Variants in ANKS1B observed in about 807,000 individuals in gnomAD.
ANKS1B encodes ankyrin repeat and sterile alpha motif domain containing 1B, also known as ankyrin repeat and sterile alpha motif domain-containing protein 1B.
A neutral mutation model predicts 148.3 loss-of-function variants in ANKS1B; 36 were observed. The ratio of observed to expected loss-of-function variants is 0.24; its 90% confidence interval spans 0.19 to 0.32. The LOEUF is 0.32. Ranked by LOEUF, ANKS1B falls within the 10% of genes least tolerant of loss-of-function variation. The pLI is 1.00. For missense variants in ANKS1B, 1,157 were observed against 1,542.6 expected (o/e 0.75, Z 4.19); for synonymous variants, 542 against 560.8 (o/e 0.97, Z 0.47).
chr12:99,460,250 A>G (rs943511634), intron 10 of ANKS1B, among the ~76,000 whole-genome samples: 1 of 152,200 alleles, frequency 6.6e-6, no homozygotes, highest in Non-Finnish European at 1.5e-5. Flanking sequence ...CTCTCCCCTT[A>G]AACAAAAATC....
intron 4 of ANKS1B, among the ~76,000 whole-genome samples, chr12:99,792,163 T>C (rs1216217956): frequency 6.6e-6 from 1 of 151,880 alleles, no homozygotes; most frequent in Non-Finnish European, 1.5e-5. Context: ...GATAAATTCC[T>C]ACATACATAC....
chr12:99,465,301 A>G (rs2152877085), intron 10 of ANKS1B, among the ~76,000 whole-genome samples: 1 of 152,344 alleles, frequency 6.6e-6, no homozygotes, highest in African/African-American at 2.4e-5. Flanking sequence ...AGCACTAAAC[A>G]TGGAAAGGAA....
intron 12 of ANKS1B, chr12:99,341,246 T>G (rs2152330644): frequency 6.6e-6 from 1 of 152,282 alleles, no homozygotes; most frequent in East Asian, 1.9e-4. Context: ...GAATCCTCTT[T>G]AGCTATTTGG....
At chr12:98,952,468 C>A (rs1247248801) in intron 17 of ANKS1B, among the ~76,000 whole-genome samples, 1 of 152,188 alleles carries the variant, frequency 6.6e-6, no homozygotes, top group Non-Finnish European at 1.5e-5. Flanking sequence ...GAAATTTTCT[C>A]TTTTCACCTT....
At chr12:99,282,051 GTAA>G (rs2078534194) in intron 12 of ANKS1B, among the ~76,000 whole-genome samples, 1 of 152,198 alleles carries the variant, frequency 6.6e-6, no homozygotes, top group African/African-American at 2.4e-5. Context: ...AGTATGTGCA[GTAA>G]TAATACAGGC....
chr12:99,177,532 A>G (rs1049081702), intron 14 of ANKS1B, among the ~76,000 whole-genome samples: 1 of 152,236 alleles, frequency 6.6e-6, no homozygotes, highest in African/African-American at 2.4e-5. Context: ...ATAATAACAG[A>G]ATGGTAAGAA....
In ANKS1B at chr12:98,751,598, A is replaced by G; in HGVS notation, c.3580-76T>C. On this transcript the variant is annotated intron_variant, in intron 25 of 26. Coordinates refer to ENST00000683438, the MANE Select transcript of ANKS1B (RefSeq NM_001352186.2). The surrounding 1 kb of genome is among the most constrained non-coding windows in gnomAD (Gnocchi z 4.3). ...TGGGTCGAATGGCTGAGGAACACTGAGGGAGGTGAACTAGGGAGGAACTTG... is the reference window on the plus strand; with the variant it reads ...TGGGTCGAATGGCTGAGGAACACTGGGGGAGGTGAACTAGGGAGGAACTTG... 7.0e-7 allele frequency: 1 copy of G among 1,422,606 alleles called. No individual in the cohort carries two copies. Among genetic ancestry groups the G allele is most frequent in the Non-Finnish European group, 9.8e-7 (1 of 1,023,612 alleles). 88.1% of individuals were successfully genotyped at this position (1,422,606 alleles called of 1,614,324 possible). A position where few individuals can be genotyped will look rare whatever the true frequency, so the allele number is the denominator to read the frequency against.
intron 6 of ANKS1B, among the ~76,000 whole-genome samples, chr12:99,779,043 C>T (rs2063980436): frequency 6.6e-6 from 1 of 152,172 alleles, no homozygotes; most frequent in Non-Finnish European, 1.5e-5. Context: ...AGAAAAACAT[C>T]TGGGGTTTTT....
At chr12:99,787,985 C>T (rs769448381) in intron 4 of ANKS1B, among the ~76,000 whole-genome samples, 6 of 152,180 alleles carry the variant, frequency 3.9e-5, no homozygotes, top group Non-Finnish European at 8.8e-5. Flanking sequence ...CTCAACAAGC[C>T]TCACCACTGC....
chr12:99,141,045 C>A (rs1013348659), intron 15 of ANKS1B, among the ~76,000 whole-genome samples: 1 of 152,132 alleles, frequency 6.6e-6, no homozygotes, highest in Non-Finnish European at 1.5e-5. Context: ...CCATTAGCAA[C>A]CAACTCTCCA....
At chr12:98,946,590 T>C (rs1172126447) in intron 17 of ANKS1B, among the ~76,000 whole-genome samples, 6 of 151,926 alleles carry the variant, frequency 3.9e-5, no homozygotes, top group Admixed American at 3.9e-4. Context: ...TGACAGGAGC[T>C]ATTGGGGGAA....
intron 17 of ANKS1B, among the ~76,000 whole-genome samples, chr12:99,018,239 A>G (rs1466423272): frequency 6.6e-6 from 1 of 152,184 alleles, no homozygotes; most frequent in Non-Finnish European, 1.5e-5. Flanking sequence ...GCCCTTGTGA[A>G]TGGAATTAAT....
chr12:99,665,729 G>A (rs1222654304), intron 8 of ANKS1B, among the ~76,000 whole-genome samples: 2 of 151,978 alleles, frequency 1.3e-5, no homozygotes, highest in South Asian at 2.1e-4. Context: ...CTTGTGATCC[G>A]CCCGCCTCAG....
intron 6 of ANKS1B, 124 bp downstream of exon 6, chr12:99,779,747 A>T (rs1186567846): frequency 1.0e-5 from 7 of 700,504 alleles, no homozygotes; most frequent in Non-Finnish European, 1.7e-5. Flanking sequence ...GTCTACCAGA[A>T]AAAAATAAAA....
At chr12:99,036,109 G>A (rs1037848281) in intron 17 of ANKS1B, among the ~76,000 whole-genome samples, 25 of 152,142 alleles carry the variant, frequency 1.6e-4, no homozygotes, top group African/African-American at 6.0e-4. Context: ...TTCTCTGTGT[G>A]CACAGTGATT....
chr12:99,885,199 G>C (rs886948189), intron 1 of ANKS1B, among the ~76,000 whole-genome samples: 2 of 151,636 alleles, frequency 1.3e-5, no homozygotes, highest in African/African-American at 4.8e-5. Flanking sequence ...TCAGGTCTCA[G>C]CTTAAACGTT....
At chr12:99,715,155 TA>T (rs1419796342) in intron 8 of ANKS1B, among the ~76,000 whole-genome samples, 1 of 151,444 alleles carries the variant, frequency 6.6e-6, no homozygotes, top group Non-Finnish European at 1.5e-5. Flanking sequence ...AATAAATAAA[TA>T]AAAAGCTACA....
At chr12:99,528,547 A>C (rs2096954464) in intron 9 of ANKS1B, among the ~76,000 whole-genome samples, 1 of 152,124 alleles carries the variant, frequency 6.6e-6, no homozygotes, top group Non-Finnish European at 1.5e-5. Flanking sequence ...TCTATAAAAA[A>C]CTTTTAAAAA....
intron 16 of ANKS1B, among the ~76,000 whole-genome samples, chr12:99,073,305 T>C (rs1412063183): frequency 6.6e-6 from 1 of 152,170 alleles, no homozygotes; most frequent in East Asian, 1.9e-4. Flanking sequence ...AACCATTCCA[T>C]TATGCTGCTT....
Sources: allele counts gnomAD v4.1 joint callset (sites outside exome capture counted in the v4.1 genomes callset), GRCh38; gene constraint gnomAD v4.1.1; non-coding constraint Gnocchi (gnomAD v3.1); transcripts MANE v1.5; gene names NCBI Gene and HGNC (gene_info 2026-07-23, HGNC 2026-07-21).